The following VGLL4 variants were observed in gnomAD, a reference collection of about 807,000 sequenced individuals.
VGLL4 encodes the protein transcription cofactor vestigial-like protein 4.
A neutral mutation model predicts 21.0 loss-of-function variants in VGLL4; 7 were observed. The observed-to-expected ratio is 0.33, with a 90% CI of 0.19 to 0.63. The LOEUF (loss-of-function observed/expected upper bound fraction) is 0.63. Among genes scored for constraint, VGLL4 ranks in the 20% least tolerant of loss-of-function variants. The pLI, the probability that VGLL4 is intolerant of heterozygous loss-of-function variation, is 0.78. For missense variants in VGLL4, 394 were observed against 425.7 expected, an observed-to-expected ratio of 0.93 and a Z score of 0.66; for synonymous variants, 222 against 173.2, an observed-to-expected ratio of 1.28 and a Z score of -2.21.
Position 11,643,575 on chromosome 3 carries a change from T to A in VGLL4, c.-57A>T. On this transcript the variant is annotated 5_prime_UTR_variant, in exon 1 of 5. Coordinates refer to ENST00000430365, the MANE Select transcript of VGLL4 (RefSeq NM_001128219.3). ...GCTTTTGCCCCAAAAGAGTTAAGTT[T>A]CAAAAATCAATTGTTGCTGAGTAGC... 6.2e-7 allele frequency: 1 copy of A among 1,611,250 alleles called. No homozygotes were observed. The highest frequency in any genetic ancestry group is 8.5e-7 in the Non-Finnish European group (1 of 1,179,164).
chr3:11,715,490 T>C (rs1026608114), intron 1 of VGLL4, among the ~76,000 whole-genome samples: 54 of 152,008 alleles, frequency 3.6e-4, no homozygotes, highest in African/African-American at 8.5e-4. Context: ...CCCACCACCA[T>C]GCCCAGCTAA....
intron 1 of VGLL4, among the ~76,000 whole-genome samples, chr3:11,621,136 T>C (rs139157606): frequency 2.8e-4 from 42 of 152,362 alleles, no homozygotes; most frequent in Non-Finnish European, 3.7e-4. Flanking sequence ...AGCAACAATA[T>C]TCTCCACATT....
At chr3:11,563,658 C>G (rs1458465000) in intron 3 of VGLL4, among the ~76,000 whole-genome samples, 1 of 152,230 alleles carries the variant, frequency 6.6e-6, no homozygotes, top group African/African-American at 2.4e-5. Context: ...TCAGACACAT[C>G]AGCGATCTCT....
chr3:11,603,997 C>T (rs1362265619), intron 1 of VGLL4, among the ~76,000 whole-genome samples: 1 of 152,174 alleles, frequency 6.6e-6, no homozygotes, highest in East Asian at 1.9e-4. Context: ...GTTCATCCAA[C>T]GGATGCAGTG....
intron 2 of VGLL4, among the ~76,000 whole-genome samples, chr3:11,694,659 T>C (rs2125396602): frequency 6.6e-6 from 1 of 151,766 alleles, no homozygotes; most frequent in South Asian, 2.1e-4. Context: ...AAACCCAATA[T>C]ATAACTGAGG....
chr3:11,599,775 C>G (rs1028716239), intron 2 of VGLL4, among the ~76,000 whole-genome samples: 3 of 149,854 alleles, frequency 2.0e-5, no homozygotes, highest in African/African-American at 7.4e-5. Flanking sequence ...CCACCTTGGC[C>G]TCCCAAAGTG....
rs374596745 is a variant in VGLL4 at position 11,674,879 on chromosome 3, A to G, written c.64+28092T>C. On this transcript the variant is annotated intron_variant, in intron 2 of 5. Transcript: ENST00000273038. ...AAATGGAAAGACATAGGAAAAAGAC[A>G]TGAGACTAAGGAATACAACTGGAAT... 1.8e-4 allele frequency among the ~76,000 whole-genome samples: 28 copies of G among 152,332 alleles called. No homozygotes were observed. In the East Asian group the frequency reaches 4.8e-3, roughly 26 times the overall value.
At chr3:11,685,383 G>A (rs966197180) in intron 2 of VGLL4, among the ~76,000 whole-genome samples, 2 of 152,084 alleles carry the variant, frequency 1.3e-5, no homozygotes, top group Non-Finnish European at 2.9e-5. Context: ...ATTTTTAGTG[G>A]AGACGGGGTT....
At chr3:11,647,048 T>A (rs1321442193), upstream of VGLL4, among the ~76,000 whole-genome samples, 3 of 152,210 alleles carry the variant, frequency 2.0e-5, no homozygotes, top group Admixed American at 2.0e-4. Flanking sequence ...TTACATTTTA[T>A]AAACTATCAG....
At chr3:11,575,022 C>T (rs922907981) in intron 2 of VGLL4, among the ~76,000 whole-genome samples, 2 of 152,142 alleles carry the variant, frequency 1.3e-5, no homozygotes, top group Admixed American at 1.3e-4. Flanking sequence ...CTTTTCATTA[C>T]TCCTGCATCT....
At chr3:11,575,810 A>C (rs2074023684) in intron 2 of VGLL4, among the ~76,000 whole-genome samples, 1 of 152,132 alleles carries the variant, frequency 6.6e-6, no homozygotes, top group African/African-American at 2.4e-5. Context: ...TCTGGGGCCA[A>C]CCCCTGCAAC....
At chr3:11,574,729 C>G (rs185404338) in intron 2 of VGLL4, among the ~76,000 whole-genome samples, 2 of 150,640 alleles carry the variant, frequency 1.3e-5, no homozygotes, top group South Asian at 2.1e-4. Flanking sequence ...TGACACATGT[C>G]GAAACTTCAC....
intron 1 of VGLL4, among the ~76,000 whole-genome samples, chr3:11,636,030 G>A (rs561768806): frequency 1.3e-5 from 2 of 152,292 alleles, no homozygotes; most frequent in African/African-American, 2.4e-5. Context: ...AAGGACTTGC[G>A]TAGTTAAGAA....
intron 2 of VGLL4, among the ~76,000 whole-genome samples, chr3:11,574,835 G>GTGTA (rs2073987456): frequency 7.0e-6 from 1 of 142,712 alleles, no homozygotes; most frequent in Non-Finnish European, 1.5e-5. Context: ...GTGTGTGTGT[G>GTGTA]TGTATTTTAA....
intron 1 of VGLL4, among the ~76,000 whole-genome samples, chr3:11,621,680 T>C (rs926181604): frequency 1.3e-5 from 2 of 152,236 alleles, no homozygotes; most frequent in African/African-American, 4.8e-5. Context: ...AGTATGTACC[T>C]AGGAGTAGAA....
intron 2 of VGLL4, among the ~76,000 whole-genome samples, chr3:11,681,838 T>C (rs1354648492): frequency 6.6e-6 from 1 of 152,126 alleles, no homozygotes; most frequent in East Asian, 1.9e-4. Flanking sequence ...GCAGGGAGCA[T>C]AGCTGCTGCA....
chr3:11,651,075 C>A (rs2443721), intron 2 of VGLL4, among the ~76,000 whole-genome samples: 34 of 152,094 alleles, frequency 2.2e-4, no homozygotes, highest in African/African-American at 8.0e-4. Context: ...GGACCAGGCG[C>A]GGTGGCTCAC....
chr3:11,627,007 G>T (rs1010331086), intron 1 of VGLL4, among the ~76,000 whole-genome samples: 1 of 152,078 alleles, frequency 6.6e-6, no homozygotes. Flanking sequence ...ACATGCAAAC[G>T]AGTGTTATCA....
chr3:11,641,231 G>A (rs1028686838), intron 1 of VGLL4, among the ~76,000 whole-genome samples: 3 of 151,490 alleles, frequency 2.0e-5, no homozygotes, highest in Non-Finnish European at 4.4e-5. Context: ...TTAACCATCC[G>A]CATCTTAATT....
Sources: gnomAD v4.1 joint callset for allele counts (sites outside exome capture counted in the v4.1 genomes callset) on GRCh38, gnomAD v4.1.1 for gene constraint, MANE v1.5 for transcripts, NCBI Gene and HGNC (gene_info 2026-07-23, HGNC 2026-07-21) for gene names.